Variants in SERINC5 observed in about 807,000 individuals in gnomAD.
The protein encoded by SERINC5 is serine incorporator 5, also known as chromosome 5 open reading frame 12.
In SERINC5, 41 loss-of-function variants were observed where a neutral mutation model predicts 63.1. That is an observed-to-expected ratio of 0.65 (90% confidence interval 0.51 to 0.84). The LOEUF (loss-of-function observed/expected upper bound fraction) is 0.84. Ranked by LOEUF, SERINC5 falls within the 40% of genes least tolerant of loss-of-function variation. The pLI is 0.00. For synonymous variants in SERINC5, 222 were observed against 215.2 expected (o/e 1.03, Z -0.28); for missense variants, 523 against 573.0 (o/e 0.91, Z 0.89).
In SERINC5 at chr5:80,166,351, G is replaced by T. The variant is rs573910095; in HGVS notation, c.859+32C>A. 5 of 1,385,228 alleles carry T rather than the reference G, an allele frequency of 3.6e-6. No homozygotes were observed. In the Admixed American group the frequency reaches 7.9e-5, roughly 22 times the overall value. 85.8% of individuals were successfully genotyped at this position (1,385,228 alleles called of 1,614,324 possible). On this transcript the variant is annotated intron_variant, in intron 7 of 11. Transcript: ENST00000507668. The stretch of plus-strand genomic sequence containing the variant: ...CTCCATGAATGAAAATATTCACACC[G>T]CAAACACAAGCCCACTAACAGGCTG...
Position 80,169,675 on chromosome 5 carries a change from G to C in SERINC5, c.552-129C>G, listed in dbSNP as rs1173022734. The C allele has an allele frequency of 6.0e-6, 4 of 667,238 alleles. No individual in the cohort carries two copies. The African/African-American group carries it at 7.2e-5, about 12-fold the overall frequency. 41.3% of individuals were successfully genotyped at this position (667,238 alleles called of 1,614,324 possible). On this transcript the variant is annotated intron_variant, in intron 5 of 11. Transcript: ENST00000507668. ...TACAGGCCACAGGCACTGGTACCCAGCTGCTCAGAAGACACATTATTTTAG... is the reference window on the plus strand; with the variant it reads ...TACAGGCCACAGGCACTGGTACCCACCTGCTCAGAAGACACATTATTTTAG...
chr5:80,123,290 A>G (rs570578445), intron 11 of SERINC5, among the ~76,000 whole-genome samples: 1 of 152,168 alleles, frequency 6.6e-6, no homozygotes, highest in Non-Finnish European at 1.5e-5. Context: ...TTTTTTATGT[A>G]GAGATGGGGT....
At chr5:80,166,579 G>A (rs1393901592) in intron 6 of SERINC5, 101 bp from the exon 7 acceptor site, 3 of 695,106 alleles carry the variant, frequency 4.3e-6, no homozygotes, top group African/African-American at 3.6e-5. Context: ...TCAAACTTGA[G>A]CATCCACCTT....
intron 11 of SERINC5, 182 bp from the exon 12 acceptor site, chr5:80,143,992 C>A (rs1011311712): frequency 8.5e-6 from 6 of 705,950 alleles, no homozygotes; most frequent in African/African-American, 1.8e-5. Context: ...AAATCATGCA[C>A]CCCTTAGGTG....
intron 2 of SERINC5, among the ~76,000 whole-genome samples, chr5:80,196,019 A>G (rs1237539324): frequency 6.6e-6 from 1 of 152,180 alleles, no homozygotes; most frequent in Non-Finnish European, 1.5e-5. Flanking sequence ...GTAATATGCA[A>G]CACCAGGGAG....
Position 80,176,821 on chromosome 5 carries a change from C to A in SERINC5, c.457+494G>T, listed in dbSNP as rs539624377. Among the ~76,000 whole-genome samples the A allele has an allele frequency of 1.1e-4, 16 of 152,118 alleles. 1 individual carries two copies. In the South Asian group the frequency reaches 3.1e-3, roughly 30 times the overall value. On this transcript the variant is annotated intron_variant, in intron 4 of 11. Transcript: ENST00000507668. Reference sequence around the variant, plus strand: ...TGAACCACTGAAATTCAGGTTTTTCCCTCAGCTCATATGAAAAAGGGCGCC... The same window carrying A: ...TGAACCACTGAAATTCAGGTTTTTCACTCAGCTCATATGAAAAAGGGCGCC...
chr5:80,182,990 G>A (rs1328877179), intron 2 of SERINC5, among the ~76,000 whole-genome samples: 2 of 152,132 alleles, frequency 1.3e-5, no homozygotes, highest in Non-Finnish European at 2.9e-5. Context: ...GAAGGGCCAG[G>A]TGCATGCCAG....
chr5:80,243,178 T>C (rs576076575), intron 1 of SERINC5, among the ~76,000 whole-genome samples: 8 of 152,312 alleles, frequency 5.3e-5, no homozygotes, highest in African/African-American at 1.9e-4. Flanking sequence ...TCATTCTTGC[T>C]CCTTTAGTTC....
chr5:80,203,115 G>A, intron 1 of SERINC5, 62 bp from the exon 2 acceptor site: 1 of 1,470,032 alleles, frequency 6.8e-7, no homozygotes, highest in Non-Finnish European at 9.3e-7. Context: ...AAGAAACATG[G>A]CCAGGCACTG....
intron 1 of SERINC5, among the ~76,000 whole-genome samples, chr5:80,218,331 G>C (rs956731178): frequency 6.6e-6 from 1 of 152,116 alleles, no homozygotes; most frequent in Non-Finnish European, 1.5e-5. Context: ...ACCTGAGGTC[G>C]GAAGTTCTAG....
intron 11 of SERINC5, among the ~76,000 whole-genome samples, chr5:80,122,908 C>CT (rs1744605760): frequency 1.3e-5 from 2 of 152,358 alleles, no homozygotes; most frequent in East Asian, 3.9e-4. Context: ...TTTCTCAGTG[C>CT]CTCCAGGTAA....
At chr5:80,193,381 T>C (rs1306248038) in intron 2 of SERINC5, among the ~76,000 whole-genome samples, 2 of 152,218 alleles carry the variant, frequency 1.3e-5, no homozygotes, top group African/African-American at 4.8e-5. Flanking sequence ...GTTCTATTTA[T>C]CTGCAGGCTA....
At chr5:80,186,059 T>C (rs936141339) in intron 2 of SERINC5, among the ~76,000 whole-genome samples, 55 of 144,528 alleles carry the variant, frequency 3.8e-4, no homozygotes, top group Non-Finnish European at 7.9e-4. Context: ...TTAGAATTAG[T>C]AGATGCTCTA....
chr5:80,209,420 A>C (rs938348634), intron 1 of SERINC5, among the ~76,000 whole-genome samples: 1 of 152,232 alleles, frequency 6.6e-6, no homozygotes, highest in Non-Finnish European at 1.5e-5. Context: ...CTCAGAAGAA[A>C]GTGACCCTGC....
At chr5:80,254,486 CAGAA>C (rs1405588739) in intron 1 of SERINC5, among the ~76,000 whole-genome samples, 4 of 152,182 alleles carry the variant, frequency 2.6e-5, no homozygotes, top group African/African-American at 9.7e-5. Flanking sequence ...TTGGGAATGG[CAGAA>C]AGAGCCTCAA....
chr5:80,138,106 A>G (rs1314870616), downstream of SERINC5, among the ~76,000 whole-genome samples: 1 of 152,060 alleles, frequency 6.6e-6, no homozygotes, highest in African/African-American at 2.4e-5. Context: ...GAAATCTTAA[A>G]AAGTCAAACT....
At chr5:80,159,984 G>C (rs1028188359) in intron 7 of SERINC5, among the ~76,000 whole-genome samples, 12 of 152,154 alleles carry the variant, frequency 7.9e-5, no homozygotes, top group Non-Finnish European at 1.3e-4. Flanking sequence ...TATTTCCTGA[G>C]ATCTGTGAGC....
At chr5:80,200,738 A>C (rs1211778739) in intron 2 of SERINC5, among the ~76,000 whole-genome samples, 1 of 152,158 alleles carries the variant, frequency 6.6e-6, no homozygotes, top group Non-Finnish European at 1.5e-5. Context: ...TTAATGAATA[A>C]GAATATACAA....
At chr5:80,198,347 T>C (rs1388105618) in intron 2 of SERINC5, among the ~76,000 whole-genome samples, 1 of 152,034 alleles carries the variant, frequency 6.6e-6, no homozygotes, top group East Asian at 1.9e-4. Flanking sequence ...AAAGAGGAGT[T>C]TCCCTAAAGA....
Sources: allele counts gnomAD v4.1 joint callset (sites outside exome capture counted in the v4.1 genomes callset), GRCh38; gene constraint gnomAD v4.1.1; transcripts MANE v1.5; gene names NCBI Gene and HGNC (gene_info 2026-07-23, HGNC 2026-07-21).